The following ZBTB20 variants were observed in gnomAD, a reference collection of about 807,000 sequenced individuals.
The protein encoded by ZBTB20 is zinc finger and BTB domain-containing protein 20.
A neutral mutation model predicts 56.9 loss-of-function variants in ZBTB20; 9 were observed. The observed-to-expected ratio is 0.16, with a 90% CI of 0.10 to 0.28. The LOEUF (loss-of-function observed/expected upper bound fraction) is 0.28. ZBTB20 is among the 10% of genes least tolerant of loss of function. ZBTB20 has a pLI of 1.00. For synonymous variants in ZBTB20, 417 were observed against 420.7 expected, an observed-to-expected ratio of 0.99 and a Z score of 0.11; for missense variants, 655 against 1,003.0, an observed-to-expected ratio of 0.65 and a Z score of 4.69.
chr3:114,551,597 C>G (rs1371858023), intron 6 of ZBTB20, among the ~76,000 whole-genome samples: 1 of 152,080 alleles, frequency 6.6e-6, no homozygotes, highest in Non-Finnish European at 1.5e-5. Context: ...TATACATAAG[C>G]AACAAAGTGA....
intron 4 of ZBTB20, among the ~76,000 whole-genome samples, chr3:114,840,454 T>G (rs1383555417): frequency 6.6e-6 from 1 of 152,238 alleles, no homozygotes; most frequent in African/African-American, 2.4e-5. Flanking sequence ...TCATTTCAAA[T>G]AACTTTCCTG....
intron 8 of ZBTB20, 147 bp from the exon 9 acceptor site, chr3:114,381,087 T>C (rs2084275832): frequency 4.9e-6 from 1 of 205,084 alleles, no homozygotes; most frequent in Admixed American, 5.9e-5. Flanking sequence ...CAATTTAAAT[T>C]TGCAGCCTGT....
intron 5 of ZBTB20, among the ~76,000 whole-genome samples, chr3:114,708,739 G>A (rs1464589421): frequency 6.6e-6 from 1 of 152,094 alleles, no homozygotes; most frequent in Non-Finnish European, 1.5e-5. Context: ...AGTAAATATT[G>A]CTAAGTTAAA....
chr3:114,595,885 T>C (rs1339892378), intron 6 of ZBTB20, among the ~76,000 whole-genome samples: 2 of 152,238 alleles, frequency 1.3e-5, no homozygotes, highest in Non-Finnish European at 2.9e-5. Context: ...GTCTCCCTTG[T>C]AGACCTTGAA....
intron 5 of ZBTB20, among the ~76,000 whole-genome samples, chr3:114,792,594 TG>T (rs1213027127): frequency 6.6e-6 from 1 of 152,168 alleles, no homozygotes; most frequent in Non-Finnish European, 1.5e-5. Context: ...CAGTAAGAGT[TG>T]GCTTTAGAAT....
chr3:114,679,274 AT>A (rs2061821094), intron 6 of ZBTB20, among the ~76,000 whole-genome samples: 1 of 152,338 alleles, frequency 6.6e-6, no homozygotes, highest in Non-Finnish European at 1.5e-5. Context: ...AAAACCCAAA[AT>A]TGACAAATGG....
At chr3:114,796,331 C>T (rs563564665) in intron 5 of ZBTB20, among the ~76,000 whole-genome samples, 21 of 151,978 alleles carry the variant, frequency 1.4e-4, no homozygotes, top group African/African-American at 4.1e-4. Context: ...TAAGAGAACT[C>T]GGCCTGAGTT....
At position 114,974,366 on chromosome 3, in the gene ZBTB20, C is replaced by T. The variant is rs2078013665; in HGVS notation, c.-456G>A. On this transcript the variant is annotated splice_region_variant and 5_prime_UTR_variant, in exon 3 of 12. Coordinates refer to ENST00000675478, the MANE Select transcript of ZBTB20 (RefSeq NM_001348800.3). ...TCAGGAAAATACCACTGGACATTAC[C>T]TTCAGCCTTCAGAGTCCCAAAGGCA... The T allele has an allele frequency of 6.6e-6, 1 of 152,028 alleles. No homozygotes were observed. The highest frequency in any genetic ancestry group is 1.5e-5 in the Non-Finnish European group (1 of 67,956). The allele number at this position is 152,028 out of a possible 1,614,324, so 9.4% of individuals were successfully genotyped here. A position where few individuals can be genotyped will look rare whatever the true frequency, so the allele number is the denominator to read the frequency against.
intron 1 of ZBTB20, among the ~76,000 whole-genome samples, chr3:115,110,789 G>A (rs1021559254): frequency 2.0e-5 from 3 of 152,000 alleles, no homozygotes; most frequent in Non-Finnish European, 4.4e-5. Flanking sequence ...GGGAGTGTGA[G>A]ACCAGCCTGG....
intron 6 of ZBTB20, among the ~76,000 whole-genome samples, chr3:114,555,284 G>C (rs148157925): frequency 1.3e-5 from 2 of 151,964 alleles, no homozygotes; most frequent in Non-Finnish European, 2.9e-5. Context: ...GATTCTTTTC[G>C]TCACTTTTTA....
At chr3:114,832,548 C>T (rs191098103) in intron 4 of ZBTB20, among the ~76,000 whole-genome samples, 34 of 152,058 alleles carry the variant, frequency 2.2e-4, no homozygotes, top group African/African-American at 7.5e-4. Context: ...TCACTAATGA[C>T]AAAAACTTTG....
chr3:115,033,272 G>C (rs948304894), intron 2 of ZBTB20, among the ~76,000 whole-genome samples: 5 of 151,320 alleles, frequency 3.3e-5, no homozygotes, highest in African/African-American at 1.2e-4. Flanking sequence ...TTGAAATGTA[G>C]AAATTCCTAG....
chr3:114,468,807 A>G (rs1256759147), intron 7 of ZBTB20, among the ~76,000 whole-genome samples: 1 of 152,110 alleles, frequency 6.6e-6, no homozygotes. Context: ...GCAATGAAAG[A>G]AAAGTCAAAT....
intron 1 of ZBTB20, among the ~76,000 whole-genome samples, chr3:115,087,106 A>AT (rs748477643): frequency 1.3e-5 from 2 of 151,932 alleles, no homozygotes; most frequent in East Asian, 3.9e-4. Flanking sequence ...TAAAATTCTG[A>AT]TTCGTATTTC....
chr3:114,917,820 G>T (rs2075804866), intron 3 of ZBTB20, among the ~76,000 whole-genome samples: 1 of 152,180 alleles, frequency 6.6e-6, no homozygotes, highest in South Asian at 2.1e-4. Flanking sequence ...ACTGTGCTGG[G>T]TCTGACCTGA....
intron 1 of ZBTB20, among the ~76,000 whole-genome samples, chr3:115,075,374 T>G (rs984704674): frequency 5.9e-5 from 9 of 152,198 alleles, no homozygotes; most frequent in African/African-American, 1.7e-4. Context: ...AGTGGAATCA[T>G]GTAGTATCTG....
chr3:114,986,937 A>AT (rs2078571831), intron 2 of ZBTB20, among the ~76,000 whole-genome samples: 1 of 152,120 alleles, frequency 6.6e-6, no homozygotes, highest in Non-Finnish European at 1.5e-5. Context: ...AATCATGATA[A>AT]CCAATAAATT....
At chr3:114,572,396 C>G (rs1364888700) in intron 6 of ZBTB20, among the ~76,000 whole-genome samples, 1 of 152,184 alleles carries the variant, frequency 6.6e-6, no homozygotes, top group Non-Finnish European at 1.5e-5. Flanking sequence ...CTCTCAAAAA[C>G]TAGGCTAAGA....
intron 6 of ZBTB20, among the ~76,000 whole-genome samples, chr3:114,533,839 T>C (rs1018105887): frequency 6.6e-6 from 1 of 152,204 alleles, no homozygotes; most frequent in African/African-American, 2.4e-5. Flanking sequence ...ATATTCAACA[T>C]TCTTAAAGAA....
Sources: gnomAD v4.1 joint callset for allele counts (sites outside exome capture counted in the v4.1 genomes callset) on GRCh38, gnomAD v4.1.1 for gene constraint, MANE v1.5 for transcripts, NCBI Gene and HGNC (gene_info 2026-07-23, HGNC 2026-07-21) for gene names.